The following GART variants were observed in gnomAD, a reference collection of about 807,000 sequenced individuals.
The protein encoded by GART is trifunctional purine biosynthetic protein adenosine-3.
A neutral mutation model predicts 107.2 loss-of-function variants in GART; 43 were observed. That is an observed-to-expected ratio of 0.40 (90% CI 0.31 to 0.52). GART has a LOEUF of 0.52. Ranked by LOEUF, GART falls within the 20% of genes least tolerant of loss-of-function variation. The probability of loss-of-function intolerance (pLI) is 0.52; values close to 1 mark genes in which losing one functional copy is unlikely to be tolerated. For missense variants in GART, 1,107 were observed against 1,206.5 expected (o/e 0.92, Z 1.22); for synonymous variants, 434 against 427.0 (o/e 1.02, Z -0.20).
At position 33,511,249 on chromosome 21, in the gene GART, T is replaced by C; in HGVS notation, c.2314+3A>G. The C allele has an allele frequency of 6.2e-7, 1 of 1,613,886 alleles. No homozygotes were observed. Among genetic ancestry groups the C allele is most frequent in the Non-Finnish European group, 8.5e-7 (1 of 1,179,782 alleles). On this transcript the variant is annotated splice_donor_region_variant and intron_variant, in intron 17 of 21. Coordinates refer to ENST00000381815, the MANE Select transcript of GART (RefSeq NM_000819.5). The stretch of plus-strand genomic sequence containing the variant: ...TATCTAAAAATGAGTAAGGAGCAAG[T>C]ACCTTCAGCTCGTGCAACCACACTG...
rs1296396394 is a variant in GART, at chr21:33,517,728, AG to A, written c.1703-121del. On this transcript the variant is annotated intron_variant, in intron 14 of 21. Coordinates refer to ENST00000381815, the MANE Select transcript of GART (RefSeq NM_000819.5). ...CATGGCTATGTCCTGCAAATATTTA[AG>A]AAAATGTACTCTACCAGCTGTCTAA... The A allele has an allele frequency of 4.0e-6, 4 of 1,008,918 alleles. No homozygotes were observed. The African/African-American group carries it at 6.4e-5, about 16-fold the overall frequency. 62.5% of individuals were successfully genotyped at this position (1,008,918 alleles called of 1,614,324 possible). A position where few individuals can be genotyped will look rare whatever the true frequency, so the allele number is the denominator to read the frequency against.
intron 10 of GART, among the ~76,000 whole-genome samples, chr21:33,527,711 T>C (rs2085101001): frequency 6.6e-6 from 1 of 152,128 alleles, no homozygotes; most frequent in African/African-American, 2.4e-5. Context: ...TTGAAACTGT[T>C]TGAATTTTGC....
At chr21:33,530,446 G>A (rs1050792383) in intron 7 of GART, among the ~76,000 whole-genome samples, 2 of 152,034 alleles carry the variant, frequency 1.3e-5, no homozygotes, top group South Asian at 2.1e-4. Flanking sequence ...GCTGAACCAC[G>A]GATATCCAAA....
At chr21:33,522,054 G>A (rs1388358245) in intron 12 of GART, 134 bp downstream of exon 12, 1 of 602,960 alleles carries the variant, frequency 1.7e-6, no homozygotes, top group African/African-American at 1.8e-5. Context: ...CAGAAGACTG[G>A]GTTTGGCTTA....
At chr21:33,536,898 T>C (rs1188936914) in intron 2 of GART, among the ~76,000 whole-genome samples, 1 of 152,198 alleles carries the variant, frequency 6.6e-6, no homozygotes, top group Non-Finnish European at 1.5e-5. Flanking sequence ...ATTTAATATT[T>C]TGGACTACAG....
intron 18 of GART, 96 bp from the exon 19 acceptor site, chr21:33,506,200 G>A (rs1419447348): frequency 7.2e-7 from 1 of 1,392,152 alleles, no homozygotes; most frequent in Non-Finnish European, 9.6e-7. Flanking sequence ...TAGGAGTGCA[G>A]TGCCACGATC....
chr21:33,517,597 C>T lies in GART; in HGVS notation c.1714G>A (p.Ala572Thr). The T allele has an allele frequency of 1.9e-6, 3 of 1,614,180 alleles. No homozygotes were observed. The highest frequency in any genetic ancestry group is 1.1e-5 in the South Asian group (1 of 91,088). ...GGGGGATACATGTCAGGCATTTCTGCTGTTTCACCTCCTGGTGGGATAAGA... is the reference window on the plus strand; with the variant it reads ...GGGGGATACATGTCAGGCATTTCTGTTGTTTCACCTCCTGGTGGGATAAGA... ...AGCALLGGETAEMPDMYPPGE... is the reference protein window; with the variant it reads ...AGCALLGGETTEMPDMYPPGE... The change falls in exon 15 of 22, where the codon GCA becomes ACA. Residue 572 changes from alanine (A) to threonine (T), a missense_variant. Ala to Thr is a moderately conservative substitution (Grantham distance 58). Transcript: ENST00000381815.
chr21:33,509,243 T>A (rs1025151862), intron 18 of GART: 1 of 152,414 alleles, frequency 6.6e-6, no homozygotes, highest in African/African-American at 2.4e-5. Flanking sequence ...CTGGGCAACA[T>A]AGCAAGACTG....
Position 33,528,883 on chromosome 21 carries a change from C to T in GART, c.778G>A (p.Asp260Asn), listed in dbSNP as rs1601212488. 6.2e-7 allele frequency: 1 copy of T among 1,613,494 alleles called. No individual in the cohort carries two copies. Among genetic ancestry groups the T allele is most frequent in the African/African-American group, 1.3e-5 (1 of 74,872 alleles). The change falls in exon 8 of 22, where the codon GAT becomes AAT. Residue 260 changes from aspartate to asparagine, a missense_variant. Physicochemically the swap from Asp to Asn is conservative, Grantham distance 23. Coordinates refer to ENST00000381815, the MANE Select transcript of GART (RefSeq NM_000819.5). ...GGAGTACCCTCTTGCTGCATGCCAT[C>T]CACTGTCCTCTGAAGAACAGTATCT... ...IKDTVLQRTV[D>N]GMQQEGTPYT...
chr21:33,505,616 G>T lies in GART; in HGVS notation c.2670C>A (p.Val890=), dbSNP rs766318381. Residue 890 remains valine, a synonymous_variant, in exon 20 of 22, where the codon GTC becomes GTA. Coordinates refer to ENST00000381815, the MANE Select transcript of GART (RefSeq NM_000819.5). ...LVLEEFSIDI[V]CLAGFMRILS... Reference sequence around the variant, plus strand: ...GAATTCTCATGAATCCTGCAAGACAGACTATGTCTATGGAGAACTCTTCAA... The same window carrying T: ...GAATTCTCATGAATCCTGCAAGACATACTATGTCTATGGAGAACTCTTCAA... The T allele has an allele frequency of 6.2e-7, 1 of 1,612,108 alleles. No individual in the cohort carries two copies. The highest frequency in any genetic ancestry group is 1.1e-5 in the South Asian group (1 of 90,602).
At chr21:33,528,063 G>T in intron 10 of GART, 104 bp downstream of exon 10, 1 of 1,057,364 alleles carries the variant, frequency 9.5e-7, no homozygotes, top group Non-Finnish European at 1.4e-6. Flanking sequence ...GTTTCTGATG[G>T]CTTCACACTC....
At chr21:33,531,613 T>G in intron 5 of GART, 56 bp from the exon 6 acceptor site, 1 of 1,486,582 alleles carries the variant, frequency 6.7e-7, no homozygotes, top group South Asian at 1.2e-5. Context: ...TGGTAAGTTT[T>G]TGATACTTAG....
At chr21:33,537,858 GTAT>G in intron 2 of GART, among the ~76,000 whole-genome samples, 1 of 152,164 alleles carries the variant, frequency 6.6e-6, no homozygotes, top group East Asian at 1.9e-4. Flanking sequence ...TTTATTCTGA[GTAT>G]TATTAGAATA....
intron 19 of GART, 127 bp from the exon 20 acceptor site, chr21:33,505,829 A>G: frequency 7.3e-7 from 1 of 1,362,054 alleles, no homozygotes; most frequent in Non-Finnish European, 1.0e-6. Context: ...ATTATTAAGA[A>G]AGGGACAGGA....
chr21:33,506,222 C>T, intron 18 of GART, 118 bp from the exon 19 acceptor site: 1 of 1,064,632 alleles, frequency 9.4e-7, no homozygotes, highest in Non-Finnish European at 1.3e-6. Flanking sequence ...GGGTTCACTG[C>T]AACCTCCACC....
chr21:33,517,331 GAC>G lies in GART; in HGVS notation c.1954+24_1954+25del, dbSNP rs748011138. The G allele has an allele frequency of 1.9e-6, 3 of 1,612,990 alleles. No individual in the cohort carries two copies. In the Admixed American group the frequency reaches 5.0e-5, roughly 27 times the overall value. The stretch of plus-strand genomic sequence containing the variant: ...TGCTTGCTCAGGCATTTCCAAGCAG[GAC>G]AGTTTAAACATGAGGGAGTTTACCT... On this transcript the variant is annotated intron_variant, in intron 15 of 21. Coordinates refer to ENST00000381815, the MANE Select transcript of GART (RefSeq NM_000819.5).
intron 10 of GART, 79 bp from the exon 11 acceptor site, chr21:33,525,079 AGTTT>A: frequency 6.8e-7 from 1 of 1,466,698 alleles, no homozygotes. Context: ...GATTTCCACA[AGTTT>A]CTTTTTTTTT....
intron 2 of GART, among the ~76,000 whole-genome samples, 200 bp downstream of exon 2, chr21:33,538,971 G>C (rs1002438585): frequency 6.6e-6 from 1 of 152,014 alleles, no homozygotes; most frequent in African/African-American, 2.4e-5. Flanking sequence ...TAGTAAAGAC[G>C]GGGTTTCACC....
intron 6 of GART, chr21:33,531,216 T>C (rs753606603): frequency 2.1e-4 from 90 of 430,232 alleles, no homozygotes; most frequent in Middle Eastern, 1.8e-3. Flanking sequence ...ATAAACTGTA[T>C]ATGAAAGAAA....
Sources: gnomAD v4.1 joint callset for allele counts (sites outside exome capture counted in the v4.1 genomes callset) on GRCh38, gnomAD v4.1.1 for gene constraint, MANE v1.5 for transcripts, NCBI Gene and HGNC (gene_info 2026-07-23, HGNC 2026-07-21) for gene names.